The following CADPS variants were observed in gnomAD, a reference collection of about 807,000 sequenced individuals.
The protein encoded by CADPS is calcium-dependent secretion activator 1.
CADPS carries 57 observed loss-of-function variants against 167.3 expected under a neutral mutation model. The ratio of observed to expected loss-of-function variants is 0.34; its 90% CI spans 0.28 to 0.42. The LOEUF (loss-of-function observed/expected upper bound fraction) is 0.42, where lower values mean the gene tolerates loss of function less well. Ranked by LOEUF, CADPS falls within the 20% of genes least tolerant of loss-of-function variation. The probability of loss-of-function intolerance (pLI) is 1.00; values close to 1 mark genes in which losing one functional copy is unlikely to be tolerated. For synonymous variants in CADPS, 676 were observed against 635.3 expected (o/e 1.06, Z -0.96); for missense variants, 1,414 against 1,738.1 (o/e 0.81, Z 3.32).
At chr3:62,808,195 T>C (rs1197395994) in intron 1 of CADPS, among the ~76,000 whole-genome samples, 2 of 151,992 alleles carry the variant, frequency 1.3e-5, no homozygotes, top group Non-Finnish European at 2.9e-5. Context: ...TTCTAAACGC[T>C]GAATGTTTCT....
At chr3:62,555,023 G>T (rs914097042) in intron 10 of CADPS, among the ~76,000 whole-genome samples, 40 of 152,162 alleles carry the variant, frequency 2.6e-4, no homozygotes, top group African/African-American at 9.4e-4. Flanking sequence ...AAAGTGCTGG[G>T]ATTACAGGCG....
intron 1 of CADPS, among the ~76,000 whole-genome samples, chr3:62,867,788 T>A (rs1339815397): frequency 6.8e-6 from 1 of 147,948 alleles, no homozygotes; most frequent in Non-Finnish European, 1.5e-5. Context: ...ACTTACACAT[T>A]CCAGATATTA....
At chr3:62,791,292 A>C (rs377560437) in intron 1 of CADPS, among the ~76,000 whole-genome samples, 1 of 152,200 alleles carries the variant, frequency 6.6e-6, no homozygotes, top group Non-Finnish European at 1.5e-5. Flanking sequence ...TAGTGCTTGC[A>C]ATATGACTAG....
Position 62,474,166 on chromosome 3 carries a change from T to TC in CADPS, c.3477+6_3477+7insG. On this transcript the variant is annotated splice_region_variant and intron_variant, in intron 24 of 29. Transcript: ENST00000383710. ...AAAAAAATCTGTATTTTTTTTTTTT[T>TC]TTTTACCTCTTGGCCCATTTCCATG... 6 of 1,455,762 alleles carry TC rather than the reference T, an allele frequency of 4.1e-6. No homozygotes were observed. The South Asian group carries it at 8.8e-5, about 21-fold the overall frequency. 90.2% of individuals were successfully genotyped at this position (1,455,762 alleles called of 1,614,324 possible). A position where few individuals can be genotyped will look rare whatever the true frequency, so the allele number is the denominator to read the frequency against.
intron 22 of CADPS, among the ~76,000 whole-genome samples, chr3:62,480,475 T>A (rs1380078759): frequency 6.6e-6 from 1 of 152,234 alleles, no homozygotes; most frequent in African/African-American, 2.4e-5. Context: ...ATCAGACACA[T>A]TGACCATATG....
intron 13 of CADPS, among the ~76,000 whole-genome samples, chr3:62,520,365 CTAACAATGGAT>C (rs1018906346): frequency 6.6e-6 from 1 of 152,156 alleles, no homozygotes; most frequent in African/African-American, 2.4e-5. Flanking sequence ...TATTACAAAC[CTAACAATGGAT>C]TATGTTTTTT....
intron 3 of CADPS, among the ~76,000 whole-genome samples, chr3:62,726,274 A>T (rs2152062333): frequency 6.6e-6 from 1 of 152,012 alleles, no homozygotes; most frequent in South Asian, 2.1e-4. Context: ...AAAGATGTCC[A>T]CTTTAGGTCC....
intron 1 of CADPS, among the ~76,000 whole-genome samples, chr3:62,778,404 A>T (rs2090842228): frequency 6.6e-6 from 1 of 152,234 alleles, no homozygotes. Flanking sequence ...AATGCTATTT[A>T]AAAGCCTTTC....
intron 3 of CADPS, among the ~76,000 whole-genome samples, chr3:62,752,404 G>A (rs866072379): frequency 2.0e-5 from 3 of 152,162 alleles, no homozygotes; most frequent in Admixed American, 6.6e-5. Context: ...TGATGCATGT[G>A]TTGTATTATG....
chr3:62,701,747 T>C (rs2081436726), intron 3 of CADPS, among the ~76,000 whole-genome samples: 3 of 152,102 alleles, frequency 2.0e-5, no homozygotes, highest in Admixed American at 2.0e-4. Flanking sequence ...AGATGCCTTG[T>C]AGAATGACTA....
chr3:62,740,151 G>T (rs2079888579), intron 3 of CADPS, among the ~76,000 whole-genome samples: 2 of 152,170 alleles, frequency 1.3e-5, no homozygotes, highest in Admixed American at 1.3e-4. Flanking sequence ...GCTGGGCTTG[G>T]CTCCAGGTTG....
At chr3:62,405,371 C>T (rs953487405) in intron 28 of CADPS, among the ~76,000 whole-genome samples, 24 of 151,428 alleles carry the variant, frequency 1.6e-4, no homozygotes, top group African/African-American at 5.3e-4. Context: ...GGCAAACCGG[C>T]GCTGGCTTAT....
intron 1 of CADPS, among the ~76,000 whole-genome samples, chr3:62,816,538 G>A (rs753423436): frequency 4.3e-4 from 66 of 151,882 alleles, no homozygotes; most frequent in Non-Finnish European, 8.5e-4. Flanking sequence ...ATTACTCCAT[G>A]GTGAGAAAAA....
At chr3:62,798,198 A>G (rs2093558557) in intron 1 of CADPS, among the ~76,000 whole-genome samples, 1 of 152,152 alleles carries the variant, frequency 6.6e-6, no homozygotes, top group African/African-American at 2.4e-5. Context: ...GGGTGGTGCC[A>G]AAGGAGATTA....
chr3:62,753,108 A>G lies in CADPS; in HGVS notation c.888+333T>C, dbSNP rs55801574. Among the ~76,000 whole-genome samples, 2,692 of 152,310 alleles carry G rather than the reference A, an allele frequency of 0.018. 31 individuals carry two copies. The highest frequency in any genetic ancestry group is 0.027 in the Middle Eastern group (8 of 294). On this transcript the variant is annotated intron_variant, in intron 3 of 29. Coordinates refer to ENST00000383710, the MANE Select transcript of CADPS (RefSeq NM_003716.4). This position sits in a 1 kb window ranked among gnomAD's most constrained non-coding sequence, Gnocchi z 4.6. ...TCAACTGGCAAACACCAAAGGCAGAACCATATTTTTTAAAAAATTGATTTT... is the reference window on the plus strand; with the variant it reads ...TCAACTGGCAAACACCAAAGGCAGAGCCATATTTTTTAAAAAATTGATTTT...
chr3:62,642,953 A>AAAACC (rs1315579437), intron 6 of CADPS, among the ~76,000 whole-genome samples: 10 of 141,236 alleles, frequency 7.1e-5, no homozygotes, highest in Non-Finnish European at 1.4e-4. Flanking sequence ...AAAACAAAAC[A>AAAACC]AAACAAAACC....
At chr3:62,536,672 A>T (rs1156850028) in intron 11 of CADPS, 91 bp from the exon 12 acceptor site, 13 of 1,300,614 alleles carry the variant, frequency 1.0e-5, no homozygotes, top group Admixed American at 1.8e-5. Flanking sequence ...TTCACTAGAC[A>T]TTATGAACGT....
intron 11 of CADPS, among the ~76,000 whole-genome samples, chr3:62,546,465 A>C (rs2076466653): frequency 6.6e-6 from 1 of 152,112 alleles, no homozygotes; most frequent in African/African-American, 2.4e-5. Context: ...ACCCATGTGT[A>C]AGGCTTGATC....
Position 62,693,557 on chromosome 3 carries a change from G to A in CADPS, c.889-31163C>T, listed in dbSNP as rs150181719. 7.4e-3 allele frequency among the ~76,000 whole-genome samples: 1,126 copies of A among 152,068 alleles called. 27 individuals are homozygous for A. Among genetic ancestry groups the A allele is most frequent in the African/African-American group, 0.025 (1,028 of 41,446 alleles). On this transcript the variant is annotated intron_variant, in intron 3 of 29. Coordinates refer to ENST00000383710, the MANE Select transcript of CADPS (RefSeq NM_003716.4). ...TGTAATTTGGGAGGCTGAGACAGGC[G>A]GATCACTTGAGGTCAGGAGTTCGAG...
Sources: allele counts gnomAD v4.1 joint callset (sites outside exome capture counted in the v4.1 genomes callset), GRCh38; gene constraint gnomAD v4.1.1; non-coding constraint Gnocchi (gnomAD v3.1); transcripts MANE v1.5; gene names NCBI Gene and HGNC (gene_info 2026-07-23, HGNC 2026-07-21).